Variants in POU6F2 observed in about 807,000 individuals in gnomAD.
The protein encoded by POU6F2 is POU class 6 homeobox 2, also known as POU domain, class 6, transcription factor 2.
In POU6F2, 31 loss-of-function variants were observed where a neutral mutation model predicts 71.3. That is an observed-to-expected ratio of 0.43 (90% CI 0.33 to 0.59). The LOEUF is 0.59. Ranked by LOEUF, POU6F2 falls within the 20% of genes least tolerant of loss-of-function variation. The pLI, the probability that POU6F2 is intolerant of heterozygous loss-of-function variation, is 0.04. For synonymous variants in POU6F2, 347 were observed against 355.7 expected (o/e 0.98, Z 0.27); for missense variants, 783 against 856.8 (o/e 0.91, Z 1.07).
In POU6F2 at chr7:39,002,342, G is replaced by T. The variant is rs76776644; in HGVS notation, c.105+24284G>T. On this transcript the variant is annotated intron_variant, in intron 1 of 9. Coordinates refer to ENST00000518318, the MANE Select transcript of POU6F2 (RefSeq NM_001370959.1). ...AGGTTAGTGATTTACAAGTTTTGTTGTTGTTGTTGTTGTTGTTGTTTTCGA... is the reference window on the plus strand; with the variant it reads ...AGGTTAGTGATTTACAAGTTTTGTTTTTGTTGTTGTTGTTGTTGTTTTCGA... 2.0e-5 allele frequency among the ~76,000 whole-genome samples: 2 copies of T among 97,970 alleles called. 1 individual carries two copies. The highest frequency in any genetic ancestry group is 4.9e-5 in the Non-Finnish European group (2 of 40,530). 64.3% of individuals were successfully genotyped at this position (97,970 alleles called of 152,430 possible).
At chr7:39,223,365 C>T (rs1562753185) in intron 4 of POU6F2, among the ~76,000 whole-genome samples, 1 of 152,096 alleles carries the variant, frequency 6.6e-6, no homozygotes, top group African/African-American at 2.4e-5. Flanking sequence ...GTATATACAA[C>T]TGTGTTATAT....
At chr7:39,456,143 T>C (rs2237374) in intron 8 of POU6F2, among the ~76,000 whole-genome samples, 48,825 of 152,068 alleles carry the variant, frequency 0.32, 8,564 homozygotes, top group East Asian at 0.52. Context: ...AAACCTGAGA[T>C]TGGGTTTCCC....
At chr7:39,086,295 GA>G (rs112439940) in intron 2 of POU6F2, among the ~76,000 whole-genome samples, 1 of 151,920 alleles carries the variant, frequency 6.6e-6, no homozygotes, top group Non-Finnish European at 1.5e-5. Context: ...AAATTGTTTG[GA>G]AAAAAATAGA....
intron 8 of POU6F2, among the ~76,000 whole-genome samples, chr7:39,455,262 C>G (rs1214543103): frequency 6.6e-6 from 1 of 152,082 alleles, no homozygotes; most frequent in Non-Finnish European, 1.5e-5. Flanking sequence ...AACACCTAAG[C>G]TCTATCCTTA....
intron 4 of POU6F2, among the ~76,000 whole-genome samples, chr7:39,217,643 A>G (rs897152742): frequency 9.2e-5 from 14 of 152,212 alleles, no homozygotes; most frequent in Non-Finnish European, 2.9e-5. Context: ...GCATAAATTC[A>G]TATTCACAGT....
rs1440572521 is a variant in POU6F2 at position 39,451,670 on chromosome 7, T to G, written c.1458T>G (p.Ser486=). The G allele has an allele frequency of 6.2e-7, 1 of 1,607,382 alleles. No homozygotes were observed. The highest frequency in any genetic ancestry group is 8.5e-7 in the Non-Finnish European group (1 of 1,176,912). ...ASSSSSSSSS[S]SALSVGQLVS... Reference sequence around the variant, plus strand: ...CTTCTTCCTCCTCATCCTCCTCTTCTTCAGCTTTGAGCGTGGGCCAGTTAG... The same window carrying G: ...CTTCTTCCTCCTCATCCTCCTCTTCGTCAGCTTTGAGCGTGGGCCAGTTAG... The change falls in exon 8 of 10, where the codon TCT becomes TCG. Residue 486 remains serine, a synonymous_variant. Coordinates refer to ENST00000518318, the MANE Select transcript of POU6F2 (RefSeq NM_001370959.1).
chr7:39,199,820 C>T (rs552761984), intron 2 of POU6F2, among the ~76,000 whole-genome samples: 1 of 152,254 alleles, frequency 6.6e-6, no homozygotes, highest in South Asian at 2.1e-4. Flanking sequence ...AAGTTGTATC[C>T]AAGTGTACCA....
chr7:39,457,397 G>C (rs1391903725), intron 8 of POU6F2, among the ~76,000 whole-genome samples: 1 of 152,186 alleles, frequency 6.6e-6, no homozygotes, highest in Non-Finnish European at 1.5e-5. Flanking sequence ...CTGATTCCCA[G>C]ATCTTGGCCA....
intron 2 of POU6F2, among the ~76,000 whole-genome samples, chr7:39,088,787 G>T (rs1489924131): frequency 6.6e-6 from 1 of 152,102 alleles, no homozygotes; most frequent in Non-Finnish European, 1.5e-5. Context: ...AGTATAAATG[G>T]ATTTCTTTGA....
chr7:39,132,211 T>TG (rs1231601111), intron 2 of POU6F2, among the ~76,000 whole-genome samples: 1 of 152,206 alleles, frequency 6.6e-6, no homozygotes, highest in African/African-American at 2.4e-5. Context: ...CTGGTCATTT[T>TG]GGAAAACTGT....
chr7:39,192,395 G>A (rs756095423), intron 2 of POU6F2, among the ~76,000 whole-genome samples: 1 of 152,174 alleles, frequency 6.6e-6, no homozygotes. Flanking sequence ...TGTAAAGAAT[G>A]TGGTGTTCTG....
chr7:39,001,095 T>C (rs1788892362), intron 1 of POU6F2, among the ~76,000 whole-genome samples: 2 of 152,226 alleles, frequency 1.3e-5, no homozygotes, highest in South Asian at 4.1e-4. Context: ...TCCTTACCTT[T>C]TAACCTGTGT....
intron 4 of POU6F2, among the ~76,000 whole-genome samples, chr7:39,277,632 G>C (rs989818138): frequency 9.2e-5 from 14 of 152,078 alleles, no homozygotes; most frequent in Non-Finnish European, 1.9e-4. Flanking sequence ...ATTGAGCGGG[G>C]AAAGACCCAG....
intron 1 of POU6F2, among the ~76,000 whole-genome samples, chr7:38,993,611 AAC>A (rs10553247): frequency 0.66 from 86,263 of 130,206 alleles, 27,884 homozygotes; most frequent in South Asian, 0.75. Context: ...CAGGATTTTA[AAC>A]ACACACACAC....
intron 1 of POU6F2, among the ~76,000 whole-genome samples, chr7:38,978,319 T>C (rs146877427): frequency 6.6e-6 from 1 of 152,328 alleles, no homozygotes; most frequent in African/African-American, 2.4e-5. Context: ...TATAATTTGG[T>C]CTGAATGTTT....
intron 1 of POU6F2, among the ~76,000 whole-genome samples, chr7:39,070,818 G>A (rs184703931): frequency 9.9e-5 from 15 of 152,178 alleles, no homozygotes; most frequent in African/African-American, 2.9e-4. Flanking sequence ...CATAATACTC[G>A]TTACTACTCA....
At chr7:39,354,375 A>G (rs1786209990) in intron 5 of POU6F2, among the ~76,000 whole-genome samples, 1 of 152,242 alleles carries the variant, frequency 6.6e-6, no homozygotes, top group African/African-American at 2.4e-5. Context: ...GCTCTGAGCA[A>G]TAGGAAAAAA....
intron 3 of POU6F2, among the ~76,000 whole-genome samples, chr7:39,206,037 C>T (rs985326900): frequency 6.6e-6 from 1 of 152,194 alleles, no homozygotes; most frequent in Non-Finnish European, 1.5e-5. Flanking sequence ...AAGTTACTAA[C>T]CTCTCTGTAT....
chr7:39,029,747 A>G (rs962815542), intron 1 of POU6F2, among the ~76,000 whole-genome samples: 1 of 152,146 alleles, frequency 6.6e-6, no homozygotes, highest in Non-Finnish European at 1.5e-5. Context: ...ATATTTTATA[A>G]TTGTCATGAA....
Sources: gnomAD v4.1 joint callset for allele counts (sites outside exome capture counted in the v4.1 genomes callset) on GRCh38, gnomAD v4.1.1 for gene constraint, MANE v1.5 for transcripts, NCBI Gene and HGNC (gene_info 2026-07-23, HGNC 2026-07-21) for gene names.